CRYBG1: variants seen among roughly 807,000 people sequenced by gnomAD.
CRYBG1 encodes crystallin beta-gamma domain containing 1.
Under a neutral mutation model 189.2 loss-of-function variants are expected in CRYBG1, and 139 were observed. The ratio of observed to expected loss-of-function variants is 0.73; its 90% confidence interval spans 0.64 to 0.85. CRYBG1 has a LOEUF of 0.85. Among genes scored for constraint, CRYBG1 ranks in the 40% least tolerant of loss-of-function variants. The pLI, the probability that CRYBG1 is intolerant of heterozygous loss-of-function variation, is 0.00. For synonymous variants in CRYBG1, 1,023 were observed against 1,017.1 expected, an observed-to-expected ratio of 1.01 and a Z score of -0.11; for missense variants, 2,611 against 2,675.8, an observed-to-expected ratio of 0.98 and a Z score of 0.53.
chr6:106,488,893 G>A (rs993479881), intron 2 of CRYBG1, among the ~76,000 whole-genome samples: 1 of 152,146 alleles, frequency 6.6e-6, no homozygotes, highest in East Asian at 1.9e-4. Context: ...CTCCAAATAT[G>A]GGTCCAGTTT....
At chr6:106,471,460 C>T (rs980537079) in intron 2 of CRYBG1, among the ~76,000 whole-genome samples, 5 of 152,140 alleles carry the variant, frequency 3.3e-5, no homozygotes, top group Non-Finnish European at 5.9e-5. Context: ...TTCTCCTATT[C>T]GGGATCATAT....
At chr6:106,404,580 G>A (rs1023506944) in intron 1 of CRYBG1, among the ~76,000 whole-genome samples, 2 of 152,052 alleles carry the variant, frequency 1.3e-5, no homozygotes, top group Admixed American at 6.5e-5. Context: ...TTAGAAATGT[G>A]GGGGGCTGGC....
Position 106,551,703 on chromosome 6 carries a change from G to A in CRYBG1, c.5313-149G>A, listed in dbSNP as rs1399131685. The A allele has an allele frequency of 6.0e-6, 5 of 828,362 alleles. No individual in the cohort carries two copies. The East Asian group carries it at 1.0e-4, about 17-fold the overall frequency. The allele number at this position is 828,362 out of a possible 1,614,324, so 51.3% of individuals were successfully genotyped here. A position where few individuals can be genotyped will look rare whatever the true frequency, so the allele number is the denominator to read the frequency against. ...ATTTGTCCTATAGACAAACCCATCT[G>A]CTTCTAAAGGTTAATGGAGAATCAG... On this transcript the variant is annotated intron_variant, in intron 13 of 21. Coordinates refer to ENST00000633556, the MANE Select transcript of CRYBG1 (RefSeq NM_001371242.2).
intron 1 of CRYBG1, among the ~76,000 whole-genome samples, chr6:106,379,362 T>C (rs528677337): frequency 3.0e-4 from 45 of 151,796 alleles, no homozygotes; most frequent in East Asian, 5.9e-4. Flanking sequence ...CCCGGGTTCA[T>C]GCCATTCTCC....
At chr6:106,510,566 G>C (rs1413209851) in intron 2 of CRYBG1, among the ~76,000 whole-genome samples, 1 of 152,168 alleles carries the variant, frequency 6.6e-6, no homozygotes, top group African/African-American at 2.4e-5. Context: ...GGCTCCAGCC[G>C]TGCGACCCCG....
At chr6:106,374,939 A>C (rs1158915545) in intron 1 of CRYBG1, among the ~76,000 whole-genome samples, 1 of 152,198 alleles carries the variant, frequency 6.6e-6, no homozygotes, top group African/African-American at 2.4e-5. Context: ...TACGCCTGAA[A>C]GTTCTGTGTT....
chr6:106,546,398 G>A (rs775777772), intron 13 of CRYBG1, among the ~76,000 whole-genome samples: 4 of 152,212 alleles, frequency 2.6e-5, no homozygotes, highest in Admixed American at 2.0e-4. Context: ...TGTTGTCATA[G>A]TGACATAGAC....
At chr6:106,485,179 A>T (rs9398090) in intron 2 of CRYBG1, among the ~76,000 whole-genome samples, 64,736 of 151,976 alleles carry the variant, frequency 0.43, 15,196 homozygotes, top group East Asian at 0.69. Context: ...CTTTAATCAA[A>T]GTTTTATAGT....
chr6:106,521,740 A>C (rs1295915510), intron 4 of CRYBG1, among the ~76,000 whole-genome samples: 2 of 52,528 alleles, frequency 3.8e-5, no homozygotes, highest in East Asian at 8.3e-4. Flanking sequence ...TTTTTTTGAG[A>C]CAGAGTCTCG....
At chr6:106,384,093 G>C (rs1770338975) in intron 1 of CRYBG1, among the ~76,000 whole-genome samples, 2 of 152,238 alleles carry the variant, frequency 1.3e-5, no homozygotes, top group Non-Finnish European at 2.9e-5. Context: ...TTGAGGAGCA[G>C]CTTGCAGAGC....
chr6:106,438,904 CAA>C (rs1771518160), intron 1 of CRYBG1, among the ~76,000 whole-genome samples: 1 of 151,798 alleles, frequency 6.6e-6, no homozygotes, highest in African/African-American at 2.4e-5. Context: ...AATTTGGTAA[CAA>C]GAGAAAAATA....
intron 2 of CRYBG1, among the ~76,000 whole-genome samples, chr6:106,508,527 T>A (rs2114518751): frequency 6.6e-6 from 1 of 152,324 alleles, no homozygotes; most frequent in African/African-American, 2.4e-5. Flanking sequence ...CGACCTACTT[T>A]CTATCATTAT....
intron 2 of CRYBG1, among the ~76,000 whole-genome samples, chr6:106,459,069 A>G (rs994547552): frequency 2.6e-5 from 4 of 152,222 alleles, no homozygotes; most frequent in African/African-American, 9.6e-5. Context: ...TTGGTTGCCT[A>G]TGTATAGCCA....
At chr6:106,480,410 A>G (rs1000126748) in intron 2 of CRYBG1, among the ~76,000 whole-genome samples, 1 of 151,858 alleles carries the variant, frequency 6.6e-6, no homozygotes, top group South Asian at 2.1e-4. Context: ...CACACCTGTA[A>G]TCCCAGCACT....
At chr6:106,421,763 T>A (rs1171304611) in intron 1 of CRYBG1, among the ~76,000 whole-genome samples, 1 of 152,152 alleles carries the variant, frequency 6.6e-6, no homozygotes, top group Non-Finnish European at 1.5e-5. Context: ...AACCTGAGAC[T>A]GGGCAATTTA....
chr6:106,509,242 G>C (rs1773194441), intron 2 of CRYBG1, among the ~76,000 whole-genome samples: 1 of 152,148 alleles, frequency 6.6e-6, no homozygotes, highest in Non-Finnish European at 1.5e-5. Context: ...TAGCTGTTGG[G>C]AAGATAAAAT....
chr6:106,454,526 G>A (rs1236701299), intron 2 of CRYBG1, among the ~76,000 whole-genome samples: 1 of 152,210 alleles, frequency 6.6e-6, no homozygotes, highest in Non-Finnish European at 1.5e-5. Flanking sequence ...TCTCCCCAGT[G>A]AGCCTGAGCA....
At chr6:106,564,407 C>G (rs1439959362) in intron 21 of CRYBG1, among the ~76,000 whole-genome samples, 1 of 152,218 alleles carries the variant, frequency 6.6e-6, no homozygotes, top group African/African-American at 2.4e-5. Context: ...GATCTAAGAT[C>G]TCAAAGGAAT....
At chr6:106,492,947 C>A in intron 2 of CRYBG1, among the ~76,000 whole-genome samples, 1 of 149,880 alleles carries the variant, frequency 6.7e-6, no homozygotes. Context: ...AGTCTTTTCA[C>A]AAATTAACCT....
Sources: gnomAD v4.1 joint callset for allele counts (sites outside exome capture counted in the v4.1 genomes callset) on GRCh38, gnomAD v4.1.1 for gene constraint, MANE v1.5 for transcripts, NCBI Gene and HGNC (gene_info 2026-07-23, HGNC 2026-07-21) for gene names.